TTL: variants seen among roughly 807,000 people sequenced by gnomAD.
TTL encodes tubulin--tyrosine ligase.
TTL carries 10 observed loss-of-function variants against 41.1 expected under a neutral mutation model. That is an observed-to-expected ratio of 0.24 (90% CI 0.15 to 0.41). The LOEUF is 0.41. TTL is among the 10% of genes least tolerant of loss of function. The pLI is 1.00. For synonymous variants in TTL, 175 were observed against 175.5 expected (o/e 1.00, Z 0.02); for missense variants, 367 against 460.4 (o/e 0.80, Z 1.86).
rs1227534644 is a variant in TTL, at chr2:112,541,367, C to G, written c.*12572C>G. 6.6e-6 allele frequency: 1 copy of G among 152,076 alleles called. No homozygotes were observed. Among genetic ancestry groups the G allele is most frequent in the East Asian group, 1.9e-4 (1 of 5,182 alleles). The allele number at this position is 152,076 out of a possible 1,614,324, so 9.4% of individuals were successfully genotyped here. On this transcript the variant is annotated 3_prime_UTR_variant, in exon 7 of 7. Transcript: ENST00000233336. ...AAAGAACTACAACTACTCAGTTGGCCGGGCGCGCGCGGTGGCTCATGCCTG... is the reference window on the plus strand; with the variant it reads ...AAAGAACTACAACTACTCAGTTGGCGGGGCGCGCGCGGTGGCTCATGCCTG...
Position 112,482,584 on chromosome 2 carries a change from T to G in TTL, c.157+83T>G. 1.4e-6 allele frequency: 2 copies of G among 1,418,308 alleles called. No individual in the cohort carries two copies. Among genetic ancestry groups the G allele is most frequent in the South Asian group, 2.9e-5 (2 of 68,898 alleles). The allele number at this position is 1,418,308 out of a possible 1,614,324, so 87.9% of individuals were successfully genotyped here. A position where few individuals can be genotyped will look rare whatever the true frequency, so the allele number is the denominator to read the frequency against. On this transcript the variant is annotated intron_variant, in intron 1 of 6. Transcript: ENST00000233336. This position sits in a 1 kb window ranked among gnomAD's most constrained non-coding sequence, Gnocchi z 5.3. ...CGGCCCGTTAGAACCGGCGCTTTTGTTTTTAAAGGTCATACATTTTCTCCT... is the reference window on the plus strand; with the variant it reads ...CGGCCCGTTAGAACCGGCGCTTTTGGTTTTAAAGGTCATACATTTTCTCCT...
At position 112,528,687 on chromosome 2, in the gene TTL, C is replaced by G; in HGVS notation, c.1026C>G (p.Leu342=). 1 of 1,612,974 alleles carries G rather than the reference C, an allele frequency of 6.2e-7. No homozygotes were observed. Among genetic ancestry groups the G allele is most frequent in the Non-Finnish European group, 8.5e-7 (1 of 1,179,130 alleles). The change falls in exon 7 of 7, where the codon CTC becomes CTG. Residue 342 remains leucine, a synonymous_variant. Transcript: ENST00000233336. ...TTTTAAAAACACATTTCAGGAAGCT[C>G]TATGCAGAACTGTGCCAAGGCATCG... The part of the protein sequence containing the change: ...VNGAPACAQK[L]YAELCQGIVD...
intron 5 of TTL, among the ~76,000 whole-genome samples, chr2:112,516,688 C>G (rs1682080168): frequency 6.6e-6 from 1 of 151,996 alleles, no homozygotes; most frequent in Admixed American, 6.6e-5. Context: ...ATCAATCAAT[C>G]AATCAGGTGG....
intron 5 of TTL, among the ~76,000 whole-genome samples, chr2:112,516,653 A>C (rs1025078324): frequency 2.0e-5 from 3 of 152,270 alleles, no homozygotes; most frequent in South Asian, 4.1e-4. Flanking sequence ...CAGCCTGAGC[A>C]ACAGAGCAAG....
At chr2:112,513,077 A>G (rs1471364380) in intron 5 of TTL, among the ~76,000 whole-genome samples, 3 of 152,020 alleles carry the variant, frequency 2.0e-5, no homozygotes, top group Non-Finnish European at 4.4e-5. Flanking sequence ...ACCTTATAAC[A>G]TAGTTCACTA....
chr2:112,497,904 A>G (rs1009252742), intron 3 of TTL, among the ~76,000 whole-genome samples: 1 of 152,248 alleles, frequency 6.6e-6, no homozygotes, highest in Non-Finnish European at 1.5e-5. Context: ...AATGGTTATA[A>G]TAAGAAGTGG....
At chr2:112,522,974 G>A (rs902103117) in intron 6 of TTL, among the ~76,000 whole-genome samples, 4 of 152,118 alleles carry the variant, frequency 2.6e-5, no homozygotes, top group Non-Finnish European at 4.4e-5. Context: ...GTGTAAAGTC[G>A]ACACCAGACC....
intron 2 of TTL, among the ~76,000 whole-genome samples, chr2:112,489,756 A>T (rs185417569): frequency 1.2e-3 from 189 of 152,360 alleles, no homozygotes; most frequent in African/African-American, 4.3e-3. Context: ...GTCTGGGTGG[A>T]TCATAAATAA....
intron 5 of TTL, among the ~76,000 whole-genome samples, chr2:112,503,429 T>TA (rs1681755037): frequency 6.9e-6 from 1 of 145,974 alleles, no homozygotes; most frequent in African/African-American, 2.5e-5. Flanking sequence ...ATTTATATAT[T>TA]TATTTATTTA....
Position 112,497,736 on chromosome 2 carries a change from C to T in TTL, c.469+3361C>T, listed in dbSNP as rs530743253. 3.3e-5 allele frequency among the ~76,000 whole-genome samples: 5 copies of T among 151,734 alleles called. No individual in the cohort carries two copies. The South Asian group carries it at 1.0e-3, about 32-fold the overall frequency. On this transcript the variant is annotated intron_variant, in intron 3 of 6. Transcript: ENST00000233336. ...AGAAGATAGTTGAAAAGGGCGTTAA[C>T]GTTTGGGAAAGGTGGATCATTGAAT... is the stretch of plus-strand genomic sequence containing the variant.
chr2:112,517,066 T>G (rs575409812), intron 5 of TTL, among the ~76,000 whole-genome samples: 1 of 148,966 alleles, frequency 6.7e-6, no homozygotes, highest in South Asian at 2.1e-4. Context: ...CCCCCTAACT[T>G]CCCACTCCAG....
intron 5 of TTL, among the ~76,000 whole-genome samples, chr2:112,518,919 C>A (rs1160509919): frequency 6.6e-6 from 1 of 152,160 alleles, no homozygotes; most frequent in African/African-American, 2.4e-5. Context: ...AGGTTACCCA[C>A]CCGCCTCGGC....
rs35960689 is a variant in TTL, at chr2:112,531,687, TAAAAAA to T, written c.*2898_*2903del. On this transcript the variant is annotated 3_prime_UTR_variant, in exon 7 of 7. Coordinates refer to ENST00000233336, the MANE Select transcript of TTL (RefSeq NM_153712.5). ...GAAGAATTGCATAAGGCTTATGACT[TAAAAAA>T]AAAAATTCTTTTTGGAAACACAAGC... is the stretch of plus-strand genomic sequence containing the variant. 5.3e-5 allele frequency: 11 copies of T among 207,554 alleles called. No homozygotes were observed. Among genetic ancestry groups the T allele is most frequent in the Non-Finnish European group, 7.8e-5 (8 of 103,026 alleles). The allele number at this position is 207,554 out of a possible 1,614,324, so 12.9% of individuals were successfully genotyped here. A position where few individuals can be genotyped will look rare whatever the true frequency, so the allele number is the denominator to read the frequency against.
In TTL at chr2:112,528,980, C is replaced by A. The variant is rs1682437885; in HGVS notation, c.*185C>A. 2 of 616,320 alleles carry A rather than the reference C, an allele frequency of 3.2e-6. No homozygotes were observed. The highest frequency in any genetic ancestry group is 5.7e-5 in the Admixed American group (2 of 34,812). The allele number at this position is 616,320 out of a possible 1,614,324, so 38.2% of individuals were successfully genotyped here. ...AAAGAGAGGGCTGCTCAGGGGGCTTCCCAGATGTAGCTCTCAGCAGTGCTG... is the reference window on the plus strand; with the variant it reads ...AAAGAGAGGGCTGCTCAGGGGGCTTACCAGATGTAGCTCTCAGCAGTGCTG... On this transcript the variant is annotated 3_prime_UTR_variant, in exon 7 of 7. Coordinates refer to ENST00000233336, the MANE Select transcript of TTL (RefSeq NM_153712.5).
intron 5 of TTL, among the ~76,000 whole-genome samples, chr2:112,519,859 G>C (rs35419160): frequency 0.41 from 61,972 of 151,870 alleles, 12,884 homozygotes; most frequent in East Asian, 0.58. Flanking sequence ...GGCCGGGCAC[G>C]ATGGCTCGCA....
At chr2:112,520,655 C>T (rs1315625894) in intron 6 of TTL, 2 of 522,162 alleles carry the variant, frequency 3.8e-6, no homozygotes, top group African/African-American at 1.9e-5. Context: ...CTTGTAATCC[C>T]AGCACTTTGG....
chr2:112,501,750 C>G (rs1681704793), intron 4 of TTL, among the ~76,000 whole-genome samples: 1 of 151,666 alleles, frequency 6.6e-6, no homozygotes, highest in Non-Finnish European at 1.5e-5. Context: ...ACCTGTAATC[C>G]CATCTACTCA....
At chr2:112,493,621 T>C (rs1334172694) in intron 2 of TTL, among the ~76,000 whole-genome samples, 1 of 152,246 alleles carries the variant, frequency 6.6e-6, no homozygotes, top group East Asian at 1.9e-4. Context: ...TGGTGTCCTA[T>C]GTTCCGTTAG....
At chr2:112,484,885 G>C (rs779223556) in intron 1 of TTL, among the ~76,000 whole-genome samples, 1 of 152,092 alleles carries the variant, frequency 6.6e-6, no homozygotes, top group Non-Finnish European at 1.5e-5. Flanking sequence ...AATTCCTTTG[G>C]TCTTACTTTG....
Sources: allele counts gnomAD v4.1 joint callset (sites outside exome capture counted in the v4.1 genomes callset), GRCh38; gene constraint gnomAD v4.1.1; non-coding constraint Gnocchi (gnomAD v3.1); transcripts MANE v1.5; gene names NCBI Gene and HGNC (gene_info 2026-07-23, HGNC 2026-07-21).